Variants in IL1RL2 observed in about 807,000 individuals in gnomAD.
IL1RL2 encodes the protein interleukin-1 receptor-like 2.
A neutral mutation model predicts 66.8 loss-of-function variants in IL1RL2; 68 were observed. The observed-to-expected ratio is 1.02, with a 90% CI of 0.84 to 1.25. The LOEUF (loss-of-function observed/expected upper bound fraction) is 1.25, where lower values mean the gene tolerates loss of function less well. Ranked by LOEUF, IL1RL2 falls within the 50% of genes most tolerant of loss-of-function variation. The probability of loss-of-function intolerance (pLI) is 0.00; values close to 1 mark genes in which losing one functional copy is unlikely to be tolerated. For synonymous variants in IL1RL2, 305 were observed against 264.6 expected (o/e 1.15, Z -1.48); for missense variants, 729 against 709.3 (o/e 1.03, Z -0.32).
intron 5 of IL1RL2, among the ~76,000 whole-genome samples, chr2:102,210,290 G>A (rs891676749): frequency 6.6e-6 from 1 of 152,110 alleles, no homozygotes; most frequent in Admixed American, 6.5e-5. Flanking sequence ...AGAAATTATG[G>A]CAGGTGATGA....
chr2:102,191,927 G>C lies in IL1RL2; in HGVS notation c.296G>C (p.Gly99Ala). Residue 99 changes from glycine (G) to alanine (A), a missense_variant and splice_region_variant, in exon 4 of 12, where the codon GGT (glycine) becomes GCT (alanine). By Grantham distance (60) the Gly-to-Ala change is moderately conservative. Transcript: ENST00000264257. Reference protein sequence around the residue: ...DSGVYQCVIKGRDSCHRIHVN... With the variant: ...DSGVYQCVIKARDSCHRIHVN... The stretch of plus-strand genomic sequence containing the variant: ...TGAGGTCTCAATCTGTCTTACAGGG[G>C]TAGAGACAGCTGTCATAGAATACAT... 6.3e-7 allele frequency: 1 copy of C among 1,597,758 alleles called. No individual in the cohort carries two copies. The highest frequency in any genetic ancestry group is 8.6e-7 in the Non-Finnish European group (1 of 1,168,946).
In IL1RL2 at chr2:102,212,106, G is replaced by C; in HGVS notation, c.656G>C (p.Arg219Thr). ...TGTGGGTATGATTTCTTAGCAGAAAGAGCTGGATATGGAGGAAGTGTCCCT... is the reference window on the plus strand; with the variant it reads ...TGTGGGTATGATTTCTTAGCAGAAACAGCTGGATATGGAGGAAGTGTCCCT... ...LNGITVSITE[R>T]AGYGGSVPKI... Residue 219 changes from arginine to threonine, a missense_variant, in exon 6 of 12, where the codon AGA becomes ACA. Physicochemically the swap from Arg to Thr is moderately conservative, Grantham distance 71. Transcript: ENST00000264257. 1 of 1,612,366 alleles carries C rather than the reference G, an allele frequency of 6.2e-7. No homozygotes were observed. Among genetic ancestry groups the C allele is most frequent in the Non-Finnish European group, 8.5e-7 (1 of 1,178,508 alleles).
rs781275790 is a variant in IL1RL2, at chr2:102,235,317, T to C, written c.1678+40T>C. On this transcript the variant is annotated intron_variant, in intron 11 of 11. Coordinates refer to ENST00000264257, the MANE Select transcript of IL1RL2 (RefSeq NM_003854.4). ...GGACACGAGGTTTGTCACGCACTGA[T>C]GGAGGGTCTATCATTGCGTGGTGGC... 30 of 1,590,482 alleles carry C rather than the reference T, an allele frequency of 1.9e-5. No individual in the cohort carries two copies. The Admixed American group carries it at 4.9e-4, about 26-fold the overall frequency.
intron 9 of IL1RL2, among the ~76,000 whole-genome samples, chr2:102,232,669 T>TA (rs1216951480): frequency 6.6e-6 from 1 of 152,184 alleles, no homozygotes; most frequent in African/African-American, 2.4e-5. Flanking sequence ...GTGGTGGACT[T>TA]AGACTCAAAA....
chr2:102,216,434 T>A (rs1370044820), intron 6 of IL1RL2, among the ~76,000 whole-genome samples: 1 of 152,174 alleles, frequency 6.6e-6, no homozygotes, highest in African/African-American at 2.4e-5. Flanking sequence ...TTCGTGTATA[T>A]GTATCCTTAC....
chr2:102,190,174 C>T (rs1316180176), intron 3 of IL1RL2, among the ~76,000 whole-genome samples: 1 of 152,174 alleles, frequency 6.6e-6, no homozygotes, highest in Non-Finnish European at 1.5e-5. Context: ...TCAAAGGTAG[C>T]TGTCTATTCA....
intron 4 of IL1RL2, among the ~76,000 whole-genome samples, chr2:102,193,163 G>T (rs1687381388): frequency 6.6e-6 from 1 of 152,082 alleles, no homozygotes; most frequent in African/African-American, 2.4e-5. Context: ...GATCCTTTCT[G>T]TTATATGTTT....
intron 4 of IL1RL2, among the ~76,000 whole-genome samples, chr2:102,193,662 A>T (rs2104719695): frequency 6.6e-6 from 1 of 152,360 alleles, no homozygotes; most frequent in Middle Eastern, 3.4e-3. Flanking sequence ...CACCAGGAGT[A>T]TTCTAGATTT....
intron 4 of IL1RL2, among the ~76,000 whole-genome samples, chr2:102,196,940 G>A (rs938776095): frequency 1.3e-4 from 20 of 152,180 alleles, no homozygotes; most frequent in Non-Finnish European, 2.6e-4. Flanking sequence ...CTTCTGTGGG[G>A]CTATAGTGAA....
At chr2:102,212,651 T>C (rs530001034) in intron 6 of IL1RL2, among the ~76,000 whole-genome samples, 43 of 152,276 alleles carry the variant, frequency 2.8e-4, no homozygotes, top group African/African-American at 9.9e-4. Context: ...TAAAAAGGCA[T>C]CAAATTACTT....
intron 6 of IL1RL2, among the ~76,000 whole-genome samples, chr2:102,216,683 T>C (rs1689641956): frequency 6.6e-6 from 1 of 152,142 alleles, no homozygotes. Context: ...ACTTTTGTGG[T>C]TTGGTGGTTC....
At chr2:102,237,414 A>T (rs1674980368) in intron 11 of IL1RL2, among the ~76,000 whole-genome samples, 1 of 152,216 alleles carries the variant, frequency 6.6e-6, no homozygotes, top group African/African-American at 2.4e-5. Context: ...AGAAGGAAGG[A>T]CGAAGCGTCC....
At position 102,201,645 on chromosome 2, in the gene IL1RL2, C is replaced by A. The variant is rs372158050; in HGVS notation, c.579C>A (p.Tyr193Ter). The A allele has an allele frequency of 1.2e-4, 199 of 1,613,994 alleles. 1 individual carries two copies. The South Asian group carries it at 2.0e-3, about 17-fold the overall frequency. ...TCTCGGCAGAGGACAGAGGGAACTACGCGTGTCAAGCCATACTGACACACT... is the reference window on the plus strand; with the variant it reads ...TCTCGGCAGAGGACAGAGGGAACTAAGCGTGTCAAGCCATACTGACACACT... ...SNVSAEDRGN[Y>*]ACQAILTHSG... The change falls in exon 5 of 12, where the codon TAC becomes TAA. Residue 193 changes from tyrosine to a stop codon, truncating the protein, a stop_gained. Coordinates refer to ENST00000264257, the MANE Select transcript of IL1RL2 (RefSeq NM_003854.4). LOFTEE classifies it high-confidence loss of function.
intron 8 of IL1RL2, among the ~76,000 whole-genome samples, chr2:102,224,073 A>G (rs971680613): frequency 6.6e-6 from 1 of 152,226 alleles, no homozygotes; most frequent in Non-Finnish European, 1.5e-5. Context: ...TTGGGCCTCA[A>G]GATGTTTACA....
chr2:102,227,561 G>A (rs1578185228), intron 9 of IL1RL2, among the ~76,000 whole-genome samples: 1 of 152,236 alleles, frequency 6.6e-6, no homozygotes, highest in Non-Finnish European at 1.5e-5. Flanking sequence ...TAGTCCGACT[G>A]GGCATGGGGA....
At chr2:102,209,253 A>C (rs984517537) in intron 5 of IL1RL2, among the ~76,000 whole-genome samples, 1 of 152,230 alleles carries the variant, frequency 6.6e-6, no homozygotes, top group Non-Finnish European at 1.5e-5. Flanking sequence ...ACTGTCAGAC[A>C]TGGTGATGGT....
chr2:102,236,705 T>G (rs36036501), intron 11 of IL1RL2, among the ~76,000 whole-genome samples: 7,719 of 152,278 alleles, frequency 0.051, 242 homozygotes, highest in Non-Finnish European at 0.082. Flanking sequence ...AAGCTGAAAT[T>G]CTGTGCCCAT....
chr2:102,209,253 A>T (rs984517537), intron 5 of IL1RL2, among the ~76,000 whole-genome samples: 6 of 152,230 alleles, frequency 3.9e-5, no homozygotes, highest in African/African-American at 1.4e-4. Context: ...ACTGTCAGAC[A>T]TGGTGATGGT....
intron 10 of IL1RL2, 46 bp from the exon 11 acceptor site, chr2:102,234,851 C>A: frequency 6.6e-7 from 1 of 1,523,830 alleles, no homozygotes; most frequent in Non-Finnish European, 9.0e-7. Flanking sequence ...AAGACCCGGG[C>A]TGTTTTAATT....
Sources: allele counts gnomAD v4.1 joint callset (sites outside exome capture counted in the v4.1 genomes callset), GRCh38; gene constraint gnomAD v4.1.1; transcripts MANE v1.5; gene names NCBI Gene and HGNC (gene_info 2026-07-23, HGNC 2026-07-21).